PTAFR: variants seen among roughly 807,000 people sequenced by gnomAD.
PTAFR encodes the protein platelet activating factor receptor.
PTAFR carries 8 observed loss-of-function variants against 14.7 expected under a neutral mutation model. The observed-to-expected ratio is 0.54, with a 90% CI of 0.32 to 0.98. The LOEUF (loss-of-function observed/expected upper bound fraction) is 0.98, where lower values mean the gene tolerates loss of function less well. PTAFR is among the 50% of genes least tolerant of loss of function. PTAFR has a pLI of 0.04. For synonymous variants in PTAFR, 156 were observed against 176.5 expected, an observed-to-expected ratio of 0.88 and a Z score of 0.92; for missense variants, 337 against 451.2, an observed-to-expected ratio of 0.75 and a Z score of 2.29.
At chr1:28,174,817 G>C (rs1047252328) in intron 1 of PTAFR, among the ~76,000 whole-genome samples, 1 of 152,202 alleles carries the variant, frequency 6.6e-6, no homozygotes, top group Non-Finnish European at 1.5e-5. Context: ...GCATTAGAGG[G>C]AATTCATCAG....
At chr1:28,153,941 C>T (rs1034152928) in intron 1 of PTAFR, among the ~76,000 whole-genome samples, 5 of 151,878 alleles carry the variant, frequency 3.3e-5, no homozygotes, top group African/African-American at 4.8e-5. Flanking sequence ...GTAGTCCTAG[C>T]TACTTGGGAG....
intron 1 of PTAFR, among the ~76,000 whole-genome samples, chr1:28,171,191 C>T (rs1311161362): frequency 7.3e-5 from 11 of 150,918 alleles, no homozygotes; most frequent in African/African-American, 2.2e-4. Context: ...GGTGTGGTGG[C>T]GCACATCTGT....
At chr1:28,166,859 T>A (rs1646391286) in intron 1 of PTAFR, among the ~76,000 whole-genome samples, 2 of 152,022 alleles carry the variant, frequency 1.3e-5, no homozygotes, top group African/African-American at 4.8e-5. Context: ...GCACCTGTAG[T>A]CTCAGCTATT....
chr1:28,150,067 G>A lies in PTAFR; in HGVS notation c.955C>T (p.Arg319Trp), dbSNP rs1331137613. The change falls in exon 2 of 2, where the codon CGG (arginine) becomes TGG (tryptophan). Residue 319 changes from arginine to tryptophan, a missense_variant. By Grantham distance (101) the Arg-to-Trp change is moderately radical. Transcript: ENST00000373857. The surrounding 1 kb of genome is among the most constrained non-coding windows in gnomAD (Gnocchi z 6.3). ...YSMRSSRKCSRATTDTVTEVV... is the reference protein window; with the variant it reads ...YSMRSSRKCSWATTDTVTEVV... ...TCAGTGACCGTATCCGTGGTGGCCCGGGAGCATTTCCGGCTACTGCGCATG... is the reference window on the plus strand; with the variant it reads ...TCAGTGACCGTATCCGTGGTGGCCCAGGAGCATTTCCGGCTACTGCGCATG... 14 of 1,614,070 alleles carry A rather than the reference G, an allele frequency of 8.7e-6. No homozygotes were observed. The South Asian group carries it at 8.8e-5, about 10-fold the overall frequency.
intron 1 of PTAFR, among the ~76,000 whole-genome samples, chr1:28,160,566 C>T (rs1395863994): frequency 1.3e-5 from 2 of 150,834 alleles, no homozygotes; most frequent in South Asian, 2.1e-4. Flanking sequence ...CCCGCCACCC[C>T]CCACACACAC....
intron 1 of PTAFR, among the ~76,000 whole-genome samples, chr1:28,158,821 G>A (rs1465832345): frequency 6.6e-6 from 1 of 152,194 alleles, no homozygotes; most frequent in Non-Finnish European, 1.5e-5. Context: ...ACAAGACTGG[G>A]TCTGGATTTG....
chr1:28,186,641 G>A (rs1203971407), intron 1 of PTAFR, among the ~76,000 whole-genome samples: 1 of 152,182 alleles, frequency 6.6e-6, no homozygotes, highest in Non-Finnish European at 1.5e-5. Flanking sequence ...AGACAGAGTG[G>A]TGCTGGGCGT....
intron 1 of PTAFR, among the ~76,000 whole-genome samples, chr1:28,160,567 C>A (rs571544149): frequency 2.0e-5 from 3 of 150,636 alleles, no homozygotes; most frequent in Non-Finnish European, 3.0e-5. Context: ...CCGCCACCCC[C>A]CACACACACA....
chr1:28,188,148 C>T (rs1646621825), intron 1 of PTAFR, among the ~76,000 whole-genome samples: 1 of 151,922 alleles, frequency 6.6e-6, no homozygotes, highest in Non-Finnish European at 1.5e-5. Context: ...CTCATCTCTA[C>T]TGAAAATACA....
chr1:28,155,555 C>T (rs550434625), intron 1 of PTAFR, among the ~76,000 whole-genome samples: 1 of 152,140 alleles, frequency 6.6e-6, no homozygotes, highest in Non-Finnish European at 1.5e-5. Context: ...CTTCAGACCT[C>T]AGCTGAATTT....
At chr1:28,192,784 T>C (rs181384761) in intron 1 of PTAFR, among the ~76,000 whole-genome samples, 3 of 151,766 alleles carry the variant, frequency 2.0e-5, no homozygotes, top group Non-Finnish European at 4.4e-5. Context: ...GTAGCTGGGA[T>C]TACAGGCACC....
intron 1 of PTAFR, among the ~76,000 whole-genome samples, chr1:28,169,078 G>C (rs1646424402): frequency 1.3e-5 from 2 of 152,120 alleles, no homozygotes; most frequent in Admixed American, 1.3e-4. Context: ...TAGCATGACT[G>C]AACTATACAC....
At chr1:28,191,586 AAGAGAGAG>A (rs35747744) in intron 1 of PTAFR, among the ~76,000 whole-genome samples, 7 of 145,570 alleles carry the variant, frequency 4.8e-5, no homozygotes, top group South Asian at 2.2e-4. Context: ...GAAAAAAGAA[AAGAGAGAG>A]AGAGAGAGAG....
chr1:28,179,984 T>C (rs1202369560), upstream of PTAFR, among the ~76,000 whole-genome samples: 1 of 151,924 alleles, frequency 6.6e-6, no homozygotes, highest in Non-Finnish European at 1.5e-5. Flanking sequence ...ATGGAGCCAG[T>C]TCTCTCCAGA....
At chr1:28,184,876 G>A (rs898069911) in intron 1 of PTAFR, among the ~76,000 whole-genome samples, 2 of 152,066 alleles carry the variant, frequency 1.3e-5, no homozygotes, top group Non-Finnish European at 2.9e-5. Flanking sequence ...ATGACCTCAA[G>A]TGATCCACCT....
At chr1:28,162,829 CAAAAAAAA>C (rs529755155) in intron 1 of PTAFR, among the ~76,000 whole-genome samples, 1 of 59,158 alleles carries the variant, frequency 1.7e-5, no homozygotes, top group Non-Finnish European at 3.2e-5. Flanking sequence ...ACTTTGTCTC[CAAAAAAAA>C]AAAAAAAAAA....
chr1:28,154,831 AGTG>A (rs1646244629), intron 1 of PTAFR, among the ~76,000 whole-genome samples: 1 of 53,566 alleles, frequency 1.9e-5, no homozygotes, highest in African/African-American at 7.6e-5. Flanking sequence ...AAAAAAAAAA[AGTG>A]GGGGGGGAGG....
intron 1 of PTAFR, among the ~76,000 whole-genome samples, chr1:28,188,624 A>T (rs931533672): frequency 1.3e-5 from 2 of 152,110 alleles, no homozygotes; most frequent in African/African-American, 4.8e-5. Context: ...AATCCCAGCT[A>T]TTCAGCAGGC....
chr1:28,155,136 G>C (rs986735095), intron 1 of PTAFR, among the ~76,000 whole-genome samples: 1 of 152,088 alleles, frequency 6.6e-6, no homozygotes, highest in African/African-American at 2.4e-5. Context: ...GACATTTCCT[G>C]CCTAGAAGCC....
Sources: allele counts gnomAD v4.1 joint callset (sites outside exome capture counted in the v4.1 genomes callset), GRCh38; gene constraint gnomAD v4.1.1; non-coding constraint Gnocchi (gnomAD v3.1); transcripts MANE v1.5; gene names NCBI Gene and HGNC (gene_info 2026-07-23, HGNC 2026-07-21).